ANKS1A: variants seen among roughly 807,000 people sequenced by gnomAD.
ANKS1A encodes ankyrin repeat and sterile alpha motif domain containing 1A.
ANKS1A carries 55 observed loss-of-function variants against 120.3 expected under a neutral mutation model. The observed-to-expected ratio is 0.46, with a 90% CI of 0.37 to 0.57. The LOEUF is 0.57. ANKS1A is among the 20% of genes least tolerant of loss of function. The probability of loss-of-function intolerance (pLI) is 0.00; values close to 1 mark genes in which losing one functional copy is unlikely to be tolerated. For synonymous variants in ANKS1A, 590 were observed against 604.7 expected, an observed-to-expected ratio of 0.98 and a Z score of 0.36; for missense variants, 1,123 against 1,480.3, an observed-to-expected ratio of 0.76 and a Z score of 3.96.
At chr6:35,018,482 G>T (rs1474261731) in intron 11 of ANKS1A, among the ~76,000 whole-genome samples, 1 of 152,064 alleles carries the variant, frequency 6.6e-6, no homozygotes, top group South Asian at 2.1e-4. Context: ...TTTAGGGGAG[G>T]ACAGGGTAAG....
At chr6:35,042,005 T>C (rs1775483770) in intron 11 of ANKS1A, among the ~76,000 whole-genome samples, 1 of 152,164 alleles carries the variant, frequency 6.6e-6, no homozygotes. Context: ...TAATTCAGGA[T>C]GGTGGTGGCC....
intron 10 of ANKS1A, among the ~76,000 whole-genome samples, chr6:34,995,240 A>C (rs758661470): frequency 4.6e-5 from 7 of 152,302 alleles, no homozygotes; most frequent in Non-Finnish European, 1.0e-4. Context: ...CTTTGCTGAG[A>C]TCTGTCAGTG....
chr6:35,070,645 A>G (rs1165395439), intron 13 of ANKS1A, among the ~76,000 whole-genome samples: 1 of 151,688 alleles, frequency 6.6e-6, no homozygotes, highest in Non-Finnish European at 1.5e-5. Flanking sequence ...GTCTGCCACC[A>G]CGCTAATTTT....
intron 7 of ANKS1A, among the ~76,000 whole-genome samples, chr6:34,984,278 G>A (rs1394471292): frequency 6.6e-6 from 1 of 152,078 alleles, no homozygotes; most frequent in African/African-American, 2.4e-5. Context: ...TACAAAGATA[G>A]AATAAAGATT....
intron 13 of ANKS1A, among the ~76,000 whole-genome samples, chr6:35,069,644 G>C (rs1163304374): frequency 6.6e-6 from 1 of 151,864 alleles, no homozygotes; most frequent in Non-Finnish European, 1.5e-5. Flanking sequence ...AGGCTCAAGT[G>C]ATCCTCCCAT....
chr6:34,973,723 G>C (rs1450968900), intron 3 of ANKS1A, among the ~76,000 whole-genome samples: 2 of 152,202 alleles, frequency 1.3e-5, no homozygotes, highest in African/African-American at 2.4e-5. Flanking sequence ...GACCTAGGAA[G>C]GCCCTGTGGG....
At chr6:35,096,603 A>T in the ANKS1A span, among the ~76,000 whole-genome samples, 1 of 152,324 alleles carries the variant, frequency 6.6e-6, no homozygotes, top group East Asian at 1.9e-4. Context: ...AGCAAAAATA[A>T]ACATTCCAAA....
intron 11 of ANKS1A, among the ~76,000 whole-genome samples, chr6:35,049,783 A>G (rs1775882950): frequency 6.6e-6 from 1 of 152,102 alleles, no homozygotes; most frequent in South Asian, 2.1e-4. Context: ...AGACATATTG[A>G]CCAGACTGAT....
intron 1 of ANKS1A, among the ~76,000 whole-genome samples, chr6:34,941,468 A>G (rs929841196): frequency 2.6e-5 from 4 of 151,856 alleles, no homozygotes; most frequent in East Asian, 3.9e-4. Context: ...GGATTTAGCT[A>G]TGTTGCCTAG....
intron 10 of ANKS1A, among the ~76,000 whole-genome samples, chr6:34,996,943 C>G (rs561467670): frequency 6.6e-6 from 1 of 152,114 alleles, no homozygotes; most frequent in Non-Finnish European, 1.5e-5. Flanking sequence ...AAAGACCTTC[C>G]TTTCGCTATT....
intron 11 of ANKS1A, among the ~76,000 whole-genome samples, chr6:35,039,087 T>TG (rs1258358553): frequency 2.3e-3 from 68 of 29,242 alleles, no homozygotes; most frequent in South Asian, 0.015. Context: ...TGTGTGTGTG[T>TG]GTGTGGGGGG....
Position 34,981,931 on chromosome 6 carries a change from G to C in ANKS1A, c.677G>C (p.Gly226Ala). 6.2e-7 allele frequency: 1 copy of C among 1,614,142 alleles called. No homozygotes were observed. Among genetic ancestry groups the C allele is most frequent in the Non-Finnish European group, 8.5e-7 (1 of 1,180,028 alleles). The change falls in exon 4 of 24, where the codon GGC becomes GCC. Residue 226 changes from glycine to alanine, a missense_variant. Physicochemically the swap from Gly to Ala is moderately conservative, Grantham distance 60. This residue lies in a region of ANKS1A where 146 missense variants were observed against 267.8 expected (regional missense o/e 0.55). Coordinates refer to ENST00000360359, the MANE Select transcript of ANKS1A (RefSeq NM_015245.3). Reference sequence around the variant, plus strand: ...CCTCTGCACTTGGCAGCAAGGAATGGCCACAAAGCCGTGGTCCAGGTCCTC... The same window carrying C: ...CCTCTGCACTTGGCAGCAAGGAATGCCCACAAAGCCGTGGTCCAGGTCCTC... ...HTPLHLAARN[G>A]HKAVVQVLLD...
At chr6:35,011,721 C>T (rs1316267383) in intron 10 of ANKS1A, among the ~76,000 whole-genome samples, 1 of 152,176 alleles carries the variant, frequency 6.6e-6, no homozygotes, top group African/African-American at 2.4e-5. Flanking sequence ...ATAAATCAGT[C>T]TCCTTTGCAG....
rs2127618990 is a variant in ANKS1A, at chr6:35,088,733, C to G, written c.*124C>G. ...CAGGCCTCACCTCCGCCTGCAGGAC[C>G]TCCTCTTGGCCACTTGGCCTGGGCC... On this transcript the variant is annotated 3_prime_UTR_variant, in exon 24 of 24. Transcript: ENST00000360359. 2 of 1,600,712 alleles carry G rather than the reference C, an allele frequency of 1.2e-6. No homozygotes were observed. The highest frequency in any genetic ancestry group is 4.5e-5 in the East Asian group (2 of 44,044).
rs1249220604 is a variant in ANKS1A, at chr6:35,089,577, T to A, written c.*968T>A. On this transcript the variant is annotated 3_prime_UTR_variant, in exon 24 of 24. Transcript: ENST00000360359. ...GGGCTCATTTTGATTCTCTGAATTA[T>A]CGGTTTGACGGTTACACTTGGCTGC... The A allele has an allele frequency of 1.0e-6, 1 of 986,346 alleles. No homozygotes were observed. The highest frequency in any genetic ancestry group is 1.7e-5 in the African/African-American group (1 of 57,254). The allele number at this position is 986,346 out of a possible 1,614,324, so 61.1% of individuals were successfully genotyped here.
intron 3 of ANKS1A, among the ~76,000 whole-genome samples, chr6:34,977,234 ATTTT>A (rs1464260186): frequency 1.3e-5 from 2 of 152,230 alleles, no homozygotes; most frequent in East Asian, 3.9e-4. Flanking sequence ...CTGGGTATAC[ATTTT>A]TGGCAGGAGC....
At chr6:34,945,481 G>C (rs560876086) in intron 1 of ANKS1A, among the ~76,000 whole-genome samples, 2 of 152,288 alleles carry the variant, frequency 1.3e-5, no homozygotes, top group Non-Finnish European at 2.9e-5. Context: ...TTGTTGCAAA[G>C]ACCATCTTAT....
At chr6:35,065,524 G>A (rs1581724462) in intron 13 of ANKS1A, among the ~76,000 whole-genome samples, 1 of 152,218 alleles carries the variant, frequency 6.6e-6, no homozygotes, top group African/African-American at 2.4e-5. Flanking sequence ...GCCAAACCCC[G>A]CATTGCGGGC....
At chr6:35,051,877 A>G (rs1775988356) in intron 11 of ANKS1A, among the ~76,000 whole-genome samples, 1 of 152,248 alleles carries the variant, frequency 6.6e-6, no homozygotes, top group Non-Finnish European at 1.5e-5. Context: ...TCAGAGGACA[A>G]CAGAGCGGAA....
Sources: gnomAD v4.1 joint callset for allele counts (sites outside exome capture counted in the v4.1 genomes callset) on GRCh38, gnomAD v4.1.1 for gene constraint, gnomAD v4.1.1 regional missense constraint, MANE v1.5 for transcripts, NCBI Gene and HGNC (gene_info 2026-07-23, HGNC 2026-07-21) for gene names.